Variants in TBC1D9 observed in about 807,000 individuals in gnomAD.
TBC1D9 encodes TBC1 domain family member 9, also known as TBC1 domain family member 9A.
A neutral mutation model predicts 132.0 loss-of-function variants in TBC1D9; 63 were observed. That is an observed-to-expected ratio of 0.48 (90% CI 0.39 to 0.59). The LOEUF is 0.59. TBC1D9 is among the 20% of genes least tolerant of loss of function. The probability of loss-of-function intolerance (pLI) is 0.00; values close to 1 mark genes in which losing one functional copy is unlikely to be tolerated. For missense variants in TBC1D9, 1,261 were observed against 1,592.7 expected (o/e 0.79, Z 3.54); for synonymous variants, 610 against 609.9 (o/e 1.00, Z 0.00).
intron 6 of TBC1D9, among the ~76,000 whole-genome samples, chr4:140,675,645 G>T (rs892881005): frequency 1.3e-5 from 2 of 152,188 alleles, no homozygotes; most frequent in East Asian, 3.8e-4. Flanking sequence ...CTGTGCATAA[G>T]AATTGGCCTG....
intron 6 of TBC1D9, among the ~76,000 whole-genome samples, chr4:140,671,674 CTGTGTGTGTGTGTGTGTGTG>C (rs34072180): frequency 7.1e-6 from 1 of 141,722 alleles, no homozygotes; most frequent in Non-Finnish European, 1.5e-5. Context: ...AACTACCAGA[CTGTGTGTGTGTGTGTGTGTG>C]TGTGTGTGTG....
chr4:140,664,342 C>G (rs536503620), intron 9 of TBC1D9, among the ~76,000 whole-genome samples: 1 of 152,176 alleles, frequency 6.6e-6, no homozygotes, highest in African/African-American at 2.4e-5. Context: ...AAGAAATTGA[C>G]AAAGACTTAA....
chr4:140,687,353 T>TC (rs1737800883), intron 2 of TBC1D9, among the ~76,000 whole-genome samples: 7 of 36,400 alleles, frequency 1.9e-4, no homozygotes, highest in African/African-American at 1.0e-3. Flanking sequence ...CATATATATA[T>TC]ATATATATAT....
At chr4:140,642,174 A>G in intron 13 of TBC1D9, 1 of 767,848 alleles carries the variant, frequency 1.3e-6, no homozygotes, top group Non-Finnish European at 2.4e-6. Context: ...GAGGGAAGGC[A>G]TCAGTTTGGA....
chr4:140,747,017 A>AT (rs1553975503), intron 1 of TBC1D9, among the ~76,000 whole-genome samples: 1 of 151,144 alleles, frequency 6.6e-6, no homozygotes, highest in African/African-American at 2.4e-5. Flanking sequence ...ATAAAAATAA[A>AT]AAATAAATAA....
Position 140,620,818 on chromosome 4 carries a change from G to A in TBC1D9, c.*1377C>T, listed in dbSNP as rs1425115524. On this transcript the variant is annotated 3_prime_UTR_variant, in exon 21 of 21. Coordinates refer to ENST00000442267, the MANE Select transcript of TBC1D9 (RefSeq NM_015130.3). ...GCTGTATTTTATTTGTTCACATTTA[G>A]CCTATTTGAGGTTAACACTACTTCA... 2 of 152,584 alleles carry A rather than the reference G, an allele frequency of 1.3e-5. No homozygotes were observed. The highest frequency in any genetic ancestry group is 2.9e-5 in the Non-Finnish European group (2 of 68,014). The allele number at this position is 152,584 out of a possible 1,614,324, so 9.5% of individuals were successfully genotyped here. A position where few individuals can be genotyped will look rare whatever the true frequency, so the allele number is the denominator to read the frequency against.
intron 13 of TBC1D9, chr4:140,643,234 T>C: frequency 7.5e-7 from 1 of 1,330,110 alleles, no homozygotes; most frequent in South Asian, 1.3e-5. Context: ...ACCTTCTTGC[T>C]CCTCCTCTCC....
intron 2 of TBC1D9, among the ~76,000 whole-genome samples, chr4:140,699,846 T>C (rs1738036202): frequency 6.6e-6 from 1 of 152,198 alleles, no homozygotes; most frequent in Non-Finnish European, 1.5e-5. Flanking sequence ...TAGAGGAAAC[T>C]CTGCATGGGG....
intron 13 of TBC1D9, among the ~76,000 whole-genome samples, chr4:140,648,224 T>G (rs1311725075): frequency 6.6e-6 from 1 of 152,146 alleles, no homozygotes; most frequent in Non-Finnish European, 1.5e-5. Context: ...ATAAACACAA[T>G]TATCCATCTT....
chr4:140,682,684 C>T (rs1301882759), intron 3 of TBC1D9, among the ~76,000 whole-genome samples: 3 of 152,154 alleles, frequency 2.0e-5, no homozygotes, highest in Non-Finnish European at 4.4e-5. Flanking sequence ...TCCAGGGAAT[C>T]ACCAAAGGCT....
chr4:140,642,407 C>T, intron 13 of TBC1D9: 1 of 869,120 alleles, frequency 1.2e-6, no homozygotes, highest in Non-Finnish European at 1.9e-6. Context: ...AGGCCCTTGG[C>T]CAGCACCTTC....
At chr4:140,654,576 A>G (rs897944997) in intron 13 of TBC1D9, among the ~76,000 whole-genome samples, 1 of 152,206 alleles carries the variant, frequency 6.6e-6, no homozygotes, top group African/African-American at 2.4e-5. Flanking sequence ...TCTTTTAACA[A>G]TAAAGGTCTG....
intron 1 of TBC1D9, among the ~76,000 whole-genome samples, chr4:140,735,467 T>G (rs567733364): frequency 6.6e-6 from 1 of 152,342 alleles, no homozygotes; most frequent in South Asian, 2.1e-4. Context: ...ATTCCAATAC[T>G]TTGGGACATT....
At chr4:140,637,222 C>T (rs913117295) in intron 15 of TBC1D9, among the ~76,000 whole-genome samples, 16 of 152,144 alleles carry the variant, frequency 1.1e-4, no homozygotes, top group African/African-American at 2.7e-4. Flanking sequence ...TGGTGGCAGG[C>T]ACCTGTACTC....
chr4:140,643,788 G>A (rs1248929882), intron 13 of TBC1D9: 2 of 867,972 alleles, frequency 2.3e-6, no homozygotes, highest in African/African-American at 1.7e-5. Context: ...AGAGGGCTCG[G>A]TGCAGCCCTG....
chr4:140,687,769 A>G (rs1375322844), intron 2 of TBC1D9, among the ~76,000 whole-genome samples: 1 of 152,088 alleles, frequency 6.6e-6, no homozygotes, highest in East Asian at 1.9e-4. Context: ...CTTGCCTACA[A>G]GGGATGCTTA....
At chr4:140,732,656 G>C (rs1216778424) in intron 1 of TBC1D9, among the ~76,000 whole-genome samples, 1 of 152,074 alleles carries the variant, frequency 6.6e-6, no homozygotes, top group Non-Finnish European at 1.5e-5. Flanking sequence ...GTTAAAACCA[G>C]TTTCAACATA....
At chr4:140,649,518 A>G (rs1430580) in intron 13 of TBC1D9, among the ~76,000 whole-genome samples, 115,420 of 152,154 alleles carry the variant, frequency 0.76, 44,051 homozygotes, top group African/African-American at 0.85. Flanking sequence ...TGAGAGAGGG[A>G]AGAAATTGAT....
chr4:140,673,352 A>T (rs2111012292), intron 6 of TBC1D9, among the ~76,000 whole-genome samples: 1 of 152,258 alleles, frequency 6.6e-6, no homozygotes, highest in South Asian at 2.1e-4. Context: ...TAAGTGAAAC[A>T]ACAATTCTTG....
Sources: allele counts gnomAD v4.1 joint callset (sites outside exome capture counted in the v4.1 genomes callset), GRCh38; gene constraint gnomAD v4.1.1; transcripts MANE v1.5; gene names NCBI Gene and HGNC (gene_info 2026-07-23, HGNC 2026-07-21).